COPB1: variants seen among roughly 807,000 people sequenced by gnomAD.
The protein encoded by COPB1 is coatomer subunit beta.
In COPB1, 21 loss-of-function variants were observed where a neutral mutation model predicts 108.7. The observed-to-expected ratio is 0.19, with a 90% CI of 0.14 to 0.28. The LOEUF is 0.28. COPB1 is among the 10% of genes least tolerant of loss of function. COPB1 has a pLI of 1.00. For missense variants in COPB1, 919 were observed against 1,141.3 expected (o/e 0.81, Z 2.81); for synonymous variants, 378 against 386.8 (o/e 0.98, Z 0.27).
intron 4 of COPB1, among the ~76,000 whole-genome samples, chr11:14,493,115 C>CA (rs1302543328): frequency 6.6e-6 from 1 of 152,164 alleles, no homozygotes; most frequent in Admixed American, 6.5e-5. Flanking sequence ...CACTGTGCTC[C>CA]AGCCTGGGCA....
chr11:14,480,073 G>A (rs1222881709), intron 10 of COPB1, among the ~76,000 whole-genome samples: 4 of 152,156 alleles, frequency 2.6e-5, no homozygotes, highest in Admixed American at 6.5e-5. Context: ...CAAAGTGCTC[G>A]AATTACAGAC....
intron 10 of COPB1, among the ~76,000 whole-genome samples, 167 bp from the exon 11 acceptor site, chr11:14,479,881 G>A (rs566432766): frequency 3.3e-4 from 50 of 152,106 alleles, no homozygotes; most frequent in Non-Finnish European, 6.6e-4. Flanking sequence ...ATAGCTCACT[G>A]CAGCCTTGAA....
At chr11:14,488,079 A>G (rs1185702531) in intron 6 of COPB1, among the ~76,000 whole-genome samples, 1 of 152,240 alleles carries the variant, frequency 6.6e-6, no homozygotes, top group Non-Finnish European at 1.5e-5. Context: ...TAATGCATTT[A>G]AAGTTTTTCT....
intron 10 of COPB1, 142 bp downstream of exon 10, chr11:14,480,617 T>C: frequency 4.1e-6 from 3 of 730,980 alleles, no homozygotes; most frequent in Non-Finnish European, 6.4e-6. Flanking sequence ...AGTTTAAAGG[T>C]AGAGGTAGAT....
chr11:14,499,444 C>T (rs1851102040), intron 1 of COPB1, among the ~76,000 whole-genome samples: 1 of 151,852 alleles, frequency 6.6e-6, no homozygotes, highest in Non-Finnish European at 1.5e-5. Flanking sequence ...CCGCTTCCTC[C>T]TCCCCTTCCT....
chr11:14,491,242 T>C (rs1850895235), intron 4 of COPB1, among the ~76,000 whole-genome samples: 1 of 151,964 alleles, frequency 6.6e-6, no homozygotes, highest in Non-Finnish European at 1.5e-5. Context: ...GAGACAGCAT[T>C]TTGCCACGTT....
chr11:14,493,102 C>T (rs964988064), intron 4 of COPB1, among the ~76,000 whole-genome samples: 1 of 152,116 alleles, frequency 6.6e-6, no homozygotes, highest in Non-Finnish European at 1.5e-5. Flanking sequence ...GCCGAGATCG[C>T]GCCACTGTGC....
chr11:14,468,608 A>T, intron 16 of COPB1, 73 bp downstream of exon 16: 1 of 1,399,020 alleles, frequency 7.1e-7, no homozygotes, highest in Non-Finnish European at 9.8e-7. Flanking sequence ...TCTTTCTTTT[A>T]AAAATAGCAG....
intron 18 of COPB1, among the ~76,000 whole-genome samples, chr11:14,464,025 AAT>A (rs1344227151): frequency 1.3e-5 from 2 of 152,166 alleles, no homozygotes; most frequent in East Asian, 1.9e-4. Context: ...GTAATTCCTC[AAT>A]GTTTCCTCTC....
rs765637010 is a variant in COPB1 at position 14,483,155 on chromosome 11, TA to T, written c.838-5del. On this transcript the variant is annotated splice_region_variant and splice_polypyrimidine_tract_variant and intron_variant, in intron 7 of 21. Coordinates refer to ENST00000439561, the MANE Select transcript of COPB1 (RefSeq NM_001144061.2). ...CAATGTAACACTGAGCAGCAGCCTATATAAAAAAAGAAATACATTTTAAGAA... is the reference window on the plus strand; with the variant it reads ...CAATGTAACACTGAGCAGCAGCCTATTAAAAAAAGAAATACATTTTAAGAA... The T allele has an allele frequency of 3.9e-6, 6 of 1,530,814 alleles. No homozygotes were observed. In the African/African-American group the frequency reaches 8.4e-5, roughly 21 times the overall value. The allele number at this position is 1,530,814 out of a possible 1,614,324, so 94.8% of individuals were successfully genotyped here.
chr11:14,467,071 G>C (rs1850297414), intron 16 of COPB1, among the ~76,000 whole-genome samples: 1 of 152,026 alleles, frequency 6.6e-6, no homozygotes, highest in African/African-American at 2.4e-5. Flanking sequence ...ACACTTTTAT[G>C]CATCAAATAT....
chr11:14,462,220 G>C (rs1384399211), intron 18 of COPB1, among the ~76,000 whole-genome samples: 1 of 150,238 alleles, frequency 6.7e-6, no homozygotes, highest in Admixed American at 6.6e-5. Context: ...CTCTTTCTAG[G>C]CTCTTTTCTT....
chr11:14,469,408 G>A lies in COPB1; in HGVS notation c.1893C>T (p.Phe631=), dbSNP rs1238203569. Residue 631 remains phenylalanine, a synonymous_variant, in exon 15 of 22, where the codon TTC becomes TTT. Coordinates refer to ENST00000439561, the MANE Select transcript of COPB1 (RefSeq NM_001144061.2). ...SECSPLMNDI[F]NKECRQSLSH... ...AAAGGGACTGTCTGCATTCCTTATT[G>A]AAAATGTCATTCATTAAAGGTGAAC... The A allele has an allele frequency of 6.2e-7, 1 of 1,614,116 alleles. No homozygotes were observed. The highest frequency in any genetic ancestry group is 8.5e-7 in the Non-Finnish European group (1 of 1,180,006).
In COPB1 at chr11:14,461,311, C is replaced by T. The variant is rs758996923; in HGVS notation, c.2431G>A (p.Ala811Thr). The part of the protein sequence containing the change: ...GNIVYDVSGA[A>T]SDRNCVVLSD... ...AGAACCACACAATTTCTGTCACTTGCTGCTCCAGAGACATCATAAACTGCA... is the reference window on the plus strand; with the variant it reads ...AGAACCACACAATTTCTGTCACTTGTTGCTCCAGAGACATCATAAACTGCA... Residue 811 changes from alanine to threonine, a missense_variant, in exon 19 of 22, where the codon GCA (alanine) becomes ACA (threonine). Physicochemically the swap from Ala to Thr is moderately conservative, Grantham distance 58. This residue lies in a region of COPB1 where 705 missense variants were observed against 817.8 expected (regional missense o/e 0.86). Transcript: ENST00000439561. 3 of 1,614,124 alleles carry T rather than the reference C, an allele frequency of 1.9e-6. No individual in the cohort carries two copies. The South Asian group carries it at 3.3e-5, about 18-fold the overall frequency.
chr11:14,499,021 A>T (rs1424994755), intron 1 of COPB1, 36 bp from the exon 2 acceptor site: 6 of 532,130 alleles, frequency 1.1e-5, no homozygotes, highest in South Asian at 2.6e-5. Context: ...ATTACAAATT[A>T]AAAAAAAAAA....
At chr11:14,468,933 G>C in intron 15 of COPB1, 73 bp from the exon 16 acceptor site, 1 of 1,249,838 alleles carries the variant, frequency 8.0e-7, no homozygotes, top group Non-Finnish European at 1.1e-6. Flanking sequence ...GACAGAGACA[G>C]CCCTCACATA....
At chr11:14,472,483 G>A (rs1013407118) in intron 14 of COPB1, among the ~76,000 whole-genome samples, 8 of 152,312 alleles carry the variant, frequency 5.3e-5, no homozygotes, top group South Asian at 2.1e-4. Context: ...AATGGGAAAT[G>A]AGCAATGGCT....
At position 14,468,709 on chromosome 11, in the gene COPB1, G is replaced by A. The variant is rs774244241; in HGVS notation, c.2117C>T (p.Ala706Val). 2 of 1,614,014 alleles carry A rather than the reference G, an allele frequency of 1.2e-6. No individual in the cohort carries two copies. Among genetic ancestry groups the A allele is most frequent in the Non-Finnish European group, 8.5e-7 (1 of 1,179,964 alleles). ...AMGNTQRKEA[A>V]DPLASKLNKV... ...GTTAAGTTTAGATGCTAGGGGATCT[G>A]CTGCCTCTTTCCTCTGTGTGTTACC... Residue 706 changes from alanine (A) to valine (V), a missense_variant, in exon 16 of 22, where the codon GCA becomes GTA. Ala to Val is a moderately conservative substitution (Grantham distance 64). This residue lies in a region of COPB1 where 705 missense variants were observed against 817.8 expected (regional missense o/e 0.86). Coordinates refer to ENST00000439561, the MANE Select transcript of COPB1 (RefSeq NM_001144061.2).
intron 3 of COPB1, 89 bp from the exon 4 acceptor site, chr11:14,493,900 T>A: frequency 1.7e-6 from 2 of 1,184,356 alleles, no homozygotes; most frequent in South Asian, 3.4e-5. Context: ...GGAAAAAAAA[T>A]ACGTTTGAGA....
Sources: gnomAD v4.1 joint callset for allele counts (sites outside exome capture counted in the v4.1 genomes callset) on GRCh38, gnomAD v4.1.1 for gene constraint, gnomAD v4.1.1 regional missense constraint, MANE v1.5 for transcripts, NCBI Gene and HGNC (gene_info 2026-07-23, HGNC 2026-07-21) for gene names.